Variants in ELAPOR2 observed in about 807,000 individuals in gnomAD.
ELAPOR2 encodes endosome/lysosome-associated apoptosis and autophagy regulator family member 2.
A neutral mutation model predicts 120.7 loss-of-function variants in ELAPOR2; 89 were observed. The observed-to-expected ratio is 0.74, with a 90% CI of 0.62 to 0.88. ELAPOR2 has a LOEUF of 0.88. Ranked by LOEUF, ELAPOR2 falls within the 40% of genes least tolerant of loss-of-function variation. The probability of loss-of-function intolerance (pLI) is 0.00; values close to 1 mark genes in which losing one functional copy is unlikely to be tolerated. For synonymous variants in ELAPOR2, 444 were observed against 444.9 expected, an observed-to-expected ratio of 1.00 and a Z score of 0.03; for missense variants, 1,134 against 1,251.6, an observed-to-expected ratio of 0.91 and a Z score of 1.42.
chr7:86,967,089 T>C (rs1791936105), intron 1 of ELAPOR2, among the ~76,000 whole-genome samples: 1 of 152,140 alleles, frequency 6.6e-6, no homozygotes, highest in South Asian at 2.1e-4. Flanking sequence ...CACCCTCCCA[T>C]GGTAGAATAG....
rs973356764 is a variant in ELAPOR2 at position 86,965,013 on chromosome 7, G to A, written c.201C>T (p.His67=). ...PLPPCQEKDY[H]FEYTECDSSG... Reference sequence around the variant, plus strand: ...TGCTATCACATTCCGTATATTCAAAGTGATAATCTTTCTGCAAACAATCAC... The same window carrying A: ...TGCTATCACATTCCGTATATTCAAAATGATAATCTTTCTGCAAACAATCAC... Residue 67 remains histidine (H), a synonymous_variant, in exon 2 of 22, where the codon CAC becomes CAT. Transcript: ENST00000450689. The A allele has an allele frequency of 6.4e-7, 1 of 1,551,508 alleles. No individual in the cohort carries two copies. The highest frequency in any genetic ancestry group is 8.7e-7 in the Non-Finnish European group (1 of 1,146,830).
At chr7:87,001,635 A>C (rs1307656812) in intron 1 of ELAPOR2, among the ~76,000 whole-genome samples, 1 of 152,102 alleles carries the variant, frequency 6.6e-6, no homozygotes, top group Non-Finnish European at 1.5e-5. Context: ...CAGAAGGGGC[A>C]ATGTTGTGCT....
At chr7:87,000,498 C>T (rs1793283738) in intron 1 of ELAPOR2, among the ~76,000 whole-genome samples, 1 of 152,138 alleles carries the variant, frequency 6.6e-6, no homozygotes, top group South Asian at 2.1e-4. Flanking sequence ...CTGACTCAAC[C>T]CTGCAATGTC....
intron 1 of ELAPOR2, among the ~76,000 whole-genome samples, chr7:87,006,487 A>G (rs772915768): frequency 3.3e-5 from 5 of 152,142 alleles, no homozygotes; most frequent in Non-Finnish European, 7.4e-5. Flanking sequence ...ACAAACATGC[A>G]CATTCTGCAC....
In ELAPOR2 at chr7:86,918,447, T is replaced by C. The variant is rs1562921311; in HGVS notation, c.1588A>G (p.Met530Val). The C allele has an allele frequency of 2.0e-5, 32 of 1,607,218 alleles. No individual in the cohort carries two copies. Among genetic ancestry groups the C allele is most frequent in the Non-Finnish European group, 2.6e-5 (31 of 1,174,896 alleles). The change falls in exon 12 of 22, where the codon ATG (methionine) becomes GTG (valine). Residue 530 changes from methionine (M) to valine (V), a missense_variant. Around this residue, in one of 3 missense-constraint regions of ELAPOR2, gnomAD observed 831 missense variants for 867.6 expected, o/e 0.96. Transcript: ENST00000450689. ...LCSADCVLYF[M>V]VDINRKSTNV... ...AAAGCCGCCCGTCCACTTACCACCA[T>C]GAAGTACAAAACACAGTCAGCTGAA... is the stretch of plus-strand genomic sequence containing the variant.
intron 1 of ELAPOR2, among the ~76,000 whole-genome samples, chr7:87,015,129 A>T (rs1029229099): frequency 2.0e-5 from 3 of 152,208 alleles, no homozygotes; most frequent in Admixed American, 2.0e-4. Context: ...AGAAATAACC[A>T]TTTAGAATAT....
intron 14 of ELAPOR2, among the ~76,000 whole-genome samples, 156 bp from the exon 15 acceptor site, chr7:86,912,401 C>CT (rs1789357262): frequency 2.6e-5 from 4 of 151,004 alleles, no homozygotes; most frequent in Admixed American, 6.6e-5. Flanking sequence ...TTTCTAAACT[C>CT]TAACTAGATT....
At chr7:87,004,615 G>A (rs1030172082) in intron 1 of ELAPOR2, among the ~76,000 whole-genome samples, 1 of 152,032 alleles carries the variant, frequency 6.6e-6, no homozygotes, top group African/African-American at 2.4e-5. Context: ...GCTCAGCTGT[G>A]GTGGATTAGA....
Position 86,998,048 on chromosome 7 carries a change from G to A in ELAPOR2, c.190-33024C>T, listed in dbSNP as rs562204690. Among the ~76,000 whole-genome samples, 31 of 152,148 alleles carry A rather than the reference G, an allele frequency of 2.0e-4. No individual in the cohort carries two copies. In the South Asian group the frequency reaches 6.2e-3, roughly 31 times the overall value. Reference sequence around the variant, plus strand: ...AATAAAAGATTAAATTATCACTAACGGGAAGTCTAGAAAATGCATGTACAT... The same window carrying A: ...AATAAAAGATTAAATTATCACTAACAGGAAGTCTAGAAAATGCATGTACAT... On this transcript the variant is annotated intron_variant, in intron 1 of 21. Transcript: ENST00000450689.
chr7:87,022,888 T>C (rs544252657), intron 1 of ELAPOR2, among the ~76,000 whole-genome samples: 9 of 152,136 alleles, frequency 5.9e-5, no homozygotes, highest in African/African-American at 1.9e-4. Context: ...TTTTGAGAAG[T>C]GTCTGTTCAT....
chr7:87,045,395 TG>T (rs1169826200), intron 1 of ELAPOR2, among the ~76,000 whole-genome samples: 1 of 150,652 alleles, frequency 6.6e-6, no homozygotes, highest in Non-Finnish European at 1.5e-5. Context: ...TAAGAAAATG[TG>T]GCACATATAC....
At chr7:86,886,403 G>T (rs1439850068) in intron 21 of ELAPOR2, among the ~76,000 whole-genome samples, 1 of 152,044 alleles carries the variant, frequency 6.6e-6, no homozygotes, top group Non-Finnish European at 1.5e-5. Flanking sequence ...TACCTTTATG[G>T]CCTCACAATC....
intron 21 of ELAPOR2, chr7:86,891,062 T>C (rs1788134500): frequency 6.6e-6 from 1 of 152,078 alleles, no homozygotes; most frequent in Non-Finnish European, 1.5e-5. Context: ...TATGGTTTCA[T>C]GTTATGTTTG....
rs112207619 is a variant in ELAPOR2 at position 86,994,554 on chromosome 7, A to C, written c.190-29530T>G. Among the ~76,000 whole-genome samples the C allele has an allele frequency of 3.4e-3, 522 of 152,344 alleles. 7 individuals carry two copies. Among genetic ancestry groups the C allele is most frequent in the African/African-American group, 0.012 (505 of 41,586 alleles). ...CTTGTCTATTGTCTAAAATATTATG[A>C]AGTTTTCATTTATGGTTCCTTAACA... On this transcript the variant is annotated intron_variant, in intron 1 of 21. Coordinates refer to ENST00000450689, the MANE Select transcript of ELAPOR2 (RefSeq NM_001142749.3).
chr7:86,971,858 GA>G (rs1454073542), intron 1 of ELAPOR2, among the ~76,000 whole-genome samples: 1 of 151,818 alleles, frequency 6.6e-6, no homozygotes, highest in Non-Finnish European at 1.5e-5. Flanking sequence ...AATCAGAGGT[GA>G]AAAAAAATCT....
chr7:86,990,569 C>T (rs1792911472), intron 1 of ELAPOR2, among the ~76,000 whole-genome samples: 1 of 152,048 alleles, frequency 6.6e-6, no homozygotes, highest in Admixed American at 6.6e-5. Context: ...AGAAAATGAA[C>T]TAAAAGAGTT....
At chr7:86,982,827 G>A (rs561299665) in intron 1 of ELAPOR2, among the ~76,000 whole-genome samples, 1 of 152,350 alleles carries the variant, frequency 6.6e-6, no homozygotes, top group Non-Finnish European at 1.5e-5. Context: ...AATCTGGAGG[G>A]AGACTGACTT....
chr7:87,043,339 G>A (rs1794845178), intron 1 of ELAPOR2, among the ~76,000 whole-genome samples: 1 of 150,954 alleles, frequency 6.6e-6, no homozygotes, highest in Admixed American at 6.6e-5. Flanking sequence ...TATCCTTGAT[G>A]AACATTGATG....
intron 10 of ELAPOR2, among the ~76,000 whole-genome samples, 169 bp from the exon 11 acceptor site, chr7:86,919,479 G>T (rs1440239071): frequency 6.6e-6 from 1 of 152,096 alleles, no homozygotes; most frequent in East Asian, 1.9e-4. Context: ...TCATCCCGAG[G>T]TAGATGTTCC....
Sources: allele counts gnomAD v4.1 joint callset (sites outside exome capture counted in the v4.1 genomes callset), GRCh38; gene constraint gnomAD v4.1.1; regional missense constraint gnomAD v4.1.1; transcripts MANE v1.5; gene names NCBI Gene and HGNC (gene_info 2026-07-23, HGNC 2026-07-21).